Variants in FOXP1 observed in about 807,000 individuals in gnomAD.
The protein encoded by FOXP1 is forkhead box P1.
A neutral mutation model predicts 98.2 loss-of-function variants in FOXP1; 15 were observed. That is an observed-to-expected ratio of 0.15 (90% CI 0.10 to 0.24). FOXP1 has a LOEUF of 0.24. FOXP1 is among the 10% of genes least tolerant of loss of function. FOXP1 has a pLI of 1.00. For missense variants in FOXP1, 633 were observed against 848.5 expected (o/e 0.75, Z 3.15); for synonymous variants, 371 against 314.5 (o/e 1.18, Z -1.90).
intron 7 of FOXP1, among the ~76,000 whole-genome samples, chr3:71,083,677 C>T (rs1019495017): frequency 2.0e-5 from 3 of 152,156 alleles, no homozygotes; most frequent in South Asian, 2.1e-4. Flanking sequence ...TGACAAAGAA[C>T]GGAGCCAATA....
chr3:71,423,647 G>T (rs900429048), intron 3 of FOXP1, among the ~76,000 whole-genome samples: 2 of 152,204 alleles, frequency 1.3e-5, no homozygotes, highest in African/African-American at 2.4e-5. Flanking sequence ...GAGGTAGCTG[G>T]CCATGGGGCC....
intron 7 of FOXP1, among the ~76,000 whole-genome samples, chr3:71,106,536 G>A (rs1042363370): frequency 2.6e-5 from 4 of 152,086 alleles, no homozygotes; most frequent in African/African-American, 7.2e-5. Context: ...TTGTTGGCCA[G>A]GCTGGTCTTG....
chr3:71,065,831 A>G (rs2052416797), intron 7 of FOXP1: 2 of 152,192 alleles, frequency 1.3e-5, no homozygotes. Flanking sequence ...AAAGCTGAGT[A>G]TAGTGTTTTT....
intron 2 of FOXP1, among the ~76,000 whole-genome samples, chr3:71,523,530 C>T (rs2043144184): frequency 6.6e-6 from 1 of 152,122 alleles, no homozygotes; most frequent in Non-Finnish European, 1.5e-5. Context: ...TTGAATAATA[C>T]ATTCAAAACA....
intron 18 of FOXP1, chr3:70,972,124 C>T: frequency 6.5e-7 from 1 of 1,534,198 alleles, no homozygotes; most frequent in Non-Finnish European, 8.7e-7. Context: ...AGGACCCAAA[C>T]TCATCCTCTA....
In FOXP1 at chr3:71,234,342, C is replaced by T. The variant is rs138880893; in HGVS notation, c.-11-35950G>A. Among the ~76,000 whole-genome samples the T allele has an allele frequency of 4.5e-4, 68 of 152,278 alleles. 1 individual carries two copies. The highest frequency in any genetic ancestry group is 1.5e-3 in the African/African-American group (62 of 41,556). On this transcript the variant is annotated intron_variant, in intron 5 of 20. Transcript: ENST00000649528. ...TAATCCAATCAGCACACTCATCCTC[C>T]ACCACTGGAGATCATCCGACAAAAT...
intron 4 of FOXP1, among the ~76,000 whole-genome samples, chr3:71,320,291 G>C (rs1336207929): frequency 6.6e-6 from 1 of 151,970 alleles, no homozygotes; most frequent in Non-Finnish European, 1.5e-5. Context: ...GAAGCATCTA[G>C]AGGTATTCAA....
chr3:71,441,191 A>C (rs2108452905), intron 3 of FOXP1, among the ~76,000 whole-genome samples: 1 of 152,214 alleles, frequency 6.6e-6, no homozygotes, highest in African/African-American at 2.4e-5. Context: ...TCATGGCACA[A>C]CTCCCTAGGT....
chr3:71,174,154 A>T (rs1271463910), intron 6 of FOXP1, among the ~76,000 whole-genome samples: 2 of 152,214 alleles, frequency 1.3e-5, no homozygotes, highest in Non-Finnish European at 2.9e-5. Context: ...GACAGAAAGA[A>T]CAGCCTCCAA....
chr3:71,306,183 A>C (rs1368766324), intron 4 of FOXP1, among the ~76,000 whole-genome samples: 1 of 152,298 alleles, frequency 6.6e-6, no homozygotes, highest in East Asian at 1.9e-4. Context: ...TCACTCTGAC[A>C]GGAGACACTG....
chr3:70,984,045 C>G (rs1051042292), intron 14 of FOXP1, among the ~76,000 whole-genome samples: 12 of 152,108 alleles, frequency 7.9e-5, no homozygotes, highest in African/African-American at 2.9e-4. Flanking sequence ...TTTGTTTTTG[C>G]TTTTCTTTCC....
At position 71,531,427 on chromosome 3, in the gene FOXP1, A is replaced by G. The variant is rs140368092; in HGVS notation, c.-297-37872T>C. 3.9e-5 allele frequency among the ~76,000 whole-genome samples: 6 copies of G among 152,304 alleles called. No individual in the cohort carries two copies. The East Asian group carries it at 1.2e-3, about 29-fold the overall frequency. On this transcript the variant is annotated intron_variant, in intron 2 of 20. Transcript: ENST00000649528. The stretch of plus-strand genomic sequence containing the variant: ...ACGGGAAGAAACTGGGGCCCTCAAC[A>G]GGAAAAGACCTCAGAGCACTATATT...
At chr3:70,965,574 GA>G (rs1373005771) in intron 20 of FOXP1, among the ~76,000 whole-genome samples, 4 of 152,114 alleles carry the variant, frequency 2.6e-5, no homozygotes, top group African/African-American at 9.7e-5. Flanking sequence ...TTTTTCATAG[GA>G]ATGCATATTA....
At position 70,974,735 on chromosome 3, in the gene FOXP1, T is replaced by G. The variant is rs1273620783; in HGVS notation, c.1531-2059A>C. ...GACAGGGCATGACACATGTAAGAGATATAACTTGAAAAGAAGTCAACATTG... is the reference window on the plus strand; with the variant it reads ...GACAGGGCATGACACATGTAAGAGAGATAACTTGAAAAGAAGTCAACATTG... On this transcript the variant is annotated intron_variant, in intron 17 of 20. Coordinates refer to ENST00000649528, the MANE Select transcript of FOXP1 (RefSeq NM_001349338.3). 3.3e-5 allele frequency among the ~76,000 whole-genome samples: 5 copies of G among 152,190 alleles called. No homozygotes were observed. In the East Asian group the frequency reaches 9.6e-4, roughly 29 times the overall value.
chr3:71,113,778 A>C (rs1165979049), intron 6 of FOXP1, among the ~76,000 whole-genome samples: 2 of 138,458 alleles, frequency 1.4e-5, no homozygotes, highest in African/African-American at 2.6e-5. Flanking sequence ...GTAAAAAAAG[A>C]AAAAAACAAT....
intron 2 of FOXP1, chr3:71,570,252 T>C (rs2047232821): frequency 6.6e-6 from 1 of 152,028 alleles, no homozygotes; most frequent in African/African-American, 2.4e-5. Context: ...AGAAACACTT[T>C]GTTTCTTGTT....
At chr3:71,002,702 C>T (rs1188692944) in intron 12 of FOXP1, among the ~76,000 whole-genome samples, 3 of 152,118 alleles carry the variant, frequency 2.0e-5, no homozygotes, top group African/African-American at 7.2e-5. Flanking sequence ...TGCAAAAGAG[C>T]CCACGATCCT....
chr3:71,028,966 G>A (rs2046489117), intron 11 of FOXP1, among the ~76,000 whole-genome samples: 1 of 152,190 alleles, frequency 6.6e-6, no homozygotes, highest in Non-Finnish European at 1.5e-5. Flanking sequence ...AAGCTCAGGT[G>A]GTAATGTGAG....
intron 5 of FOXP1, among the ~76,000 whole-genome samples, chr3:71,295,696 A>C (rs992449375): frequency 6.6e-6 from 1 of 152,262 alleles, no homozygotes; most frequent in Non-Finnish European, 1.5e-5. Flanking sequence ...AGAATTGAAT[A>C]TAAGATGATG....
Sources: allele counts gnomAD v4.1 joint callset (sites outside exome capture counted in the v4.1 genomes callset), GRCh38; gene constraint gnomAD v4.1.1; transcripts MANE v1.5; gene names NCBI Gene and HGNC (gene_info 2026-07-23, HGNC 2026-07-21).